PRKD1: variants seen among roughly 807,000 people sequenced by gnomAD.
PRKD1 encodes serine/threonine-protein kinase D1.
Under a neutral mutation model 95.9 loss-of-function variants are expected in PRKD1, and 63 were observed. The observed-to-expected ratio is 0.66, with a 90% CI of 0.54 to 0.81. PRKD1 has a LOEUF of 0.81. Among genes scored for constraint, PRKD1 ranks in the 30% least tolerant of loss-of-function variants. PRKD1 has a pLI of 0.00. For synonymous variants in PRKD1, 425 were observed against 423.1 expected (o/e 1.00, Z -0.05); for missense variants, 1,048 against 1,165.3 (o/e 0.90, Z 1.47).
intron 1 of PRKD1, among the ~76,000 whole-genome samples, chr14:29,797,984 C>T (rs1889885582): frequency 6.6e-6 from 1 of 152,180 alleles, no homozygotes; most frequent in Admixed American, 6.5e-5. Context: ...AATTACAGAA[C>T]TCAATGCCAT....
chr14:29,688,003 G>A (rs1883984177), intron 2 of PRKD1, among the ~76,000 whole-genome samples: 1 of 152,164 alleles, frequency 6.6e-6, no homozygotes, highest in South Asian at 2.1e-4. Flanking sequence ...TTATCACAGA[G>A]TCCAGGAAGT....
At chr14:29,631,270 T>C (rs1001510204) in intron 9 of PRKD1, among the ~76,000 whole-genome samples, 1 of 152,180 alleles carries the variant, frequency 6.6e-6, no homozygotes, top group African/African-American at 2.4e-5. Flanking sequence ...AGAATCAGTA[T>C]GGTTAGGAAA....
In PRKD1 at chr14:29,577,285, C is replaced by A; in HGVS notation, c.2692G>T (p.Glu898Ter). The stretch of plus-strand genomic sequence containing the variant: ...CCGAGGGCTTTCATTTCTGTTTCTT[C>A]AGTCTCAGGAGTGTCACTGTGGCTA... ...SASHSDTPET[E>*]ETEMKALGER... Residue 898 changes from glutamate (E) to a stop codon, truncating the protein, a stop_gained, in exon 18 of 18, where the codon GAA (glutamate) becomes TAA (stop). Transcript: ENST00000331968. LOFTEE classifies it high-confidence loss of function. 3 of 1,613,824 alleles carry A rather than the reference C, an allele frequency of 1.9e-6. No individual in the cohort carries two copies. The highest frequency in any genetic ancestry group is 2.5e-6 in the Non-Finnish European group (3 of 1,179,840).
chr14:29,896,175 T>G (rs1392809277), intron 1 of PRKD1, among the ~76,000 whole-genome samples: 1 of 152,202 alleles, frequency 6.6e-6, no homozygotes, highest in African/African-American at 2.4e-5. Flanking sequence ...TAAGGTAATA[T>G]TTAAACAATT....
intron 1 of PRKD1, among the ~76,000 whole-genome samples, chr14:29,862,138 T>C (rs912094721): frequency 6.6e-6 from 1 of 152,210 alleles, no homozygotes; most frequent in Non-Finnish European, 1.5e-5. Flanking sequence ...GAGGTTTATC[T>C]TTCTGTGCCT....
chr14:29,636,410 A>G lies in PRKD1; in HGVS notation c.1070T>C (p.Met357Thr). 6.2e-7 allele frequency: 1 copy of G among 1,614,062 alleles called. No individual in the cohort carries two copies. Among genetic ancestry groups the G allele is most frequent in the East Asian group, 2.2e-5 (1 of 44,858 alleles). Residue 357 changes from methionine (M) to threonine (T), a missense_variant, in exon 7 of 18, where the codon ATG becomes ACG. Transcript: ENST00000331968. ...DNDSERNSGL[M>T]DDMEEAMVQD... is the part of the protein sequence containing the mutation. ...GACCATTGCTTCTTCCATATCATCC[A>G]TGAGCCCACTGTTCCTTTCACTATC... is the stretch of plus-strand genomic sequence containing the variant.
At chr14:29,878,492 A>G (rs995931375) in intron 1 of PRKD1, among the ~76,000 whole-genome samples, 1 of 152,214 alleles carries the variant, frequency 6.6e-6, no homozygotes, top group Admixed American at 6.5e-5. Context: ...CCACAGCCAA[A>G]AGGGAGAAAC....
At chr14:29,633,846 G>T (rs1594380692) in intron 8 of PRKD1, among the ~76,000 whole-genome samples, 1 of 152,170 alleles carries the variant, frequency 6.6e-6, no homozygotes, top group East Asian at 1.9e-4. Context: ...CTATAGGTAA[G>T]AGATGAGAAA....
intron 4 of PRKD1, chr14:29,656,553 A>C: frequency 1.3e-6 from 2 of 1,498,884 alleles, no homozygotes; most frequent in Non-Finnish European, 1.8e-6. Flanking sequence ...GAATCAAAGG[A>C]GAAAAAGACA....
At chr14:29,818,191 A>G (rs1890768502) in intron 1 of PRKD1, among the ~76,000 whole-genome samples, 1 of 152,224 alleles carries the variant, frequency 6.6e-6, no homozygotes, top group African/African-American at 2.4e-5. Context: ...ATGCACAGTA[A>G]GGTCTGAATG....
intron 15 of PRKD1, among the ~76,000 whole-genome samples, chr14:29,598,310 A>G (rs1309761240): frequency 4.6e-5 from 7 of 151,050 alleles, no homozygotes; most frequent in Non-Finnish European, 8.9e-5. Flanking sequence ...AATAAAATAA[A>G]ATAAAATAAA....
rs1008177764 is a variant in PRKD1, at chr14:29,827,488, C to A, written c.264+99761G>T. On this transcript the variant is annotated intron_variant, in intron 1 of 17. Transcript: ENST00000331968. ...AGGGCCATGCTTCCTTACGGTCAGC[C>A]TTCTCTTCCCATTCATCTTGCTCTG... is the stretch of plus-strand genomic sequence containing the variant. Among the ~76,000 whole-genome samples the A allele has an allele frequency of 2.0e-5, 3 of 152,090 alleles. No homozygotes were observed. In the East Asian group the frequency reaches 5.8e-4, roughly 29 times the overall value.
chr14:29,700,967 C>T (rs544432170), intron 2 of PRKD1, among the ~76,000 whole-genome samples: 6 of 46,328 alleles, frequency 1.3e-4, no homozygotes, highest in East Asian at 7.8e-4. Context: ...TGTGTGTACG[C>T]GTGCGCATGC....
At chr14:29,893,710 G>A (rs1047205854) in intron 1 of PRKD1, among the ~76,000 whole-genome samples, 4 of 152,046 alleles carry the variant, frequency 2.6e-5, no homozygotes, top group African/African-American at 4.8e-5. Flanking sequence ...TATGAATGTC[G>A]GTTTCTAGGT....
chr14:29,674,222 G>A (rs1440874454), intron 2 of PRKD1, among the ~76,000 whole-genome samples: 1 of 151,940 alleles, frequency 6.6e-6, no homozygotes, highest in Non-Finnish European at 1.5e-5. Context: ...CCAATTCAGG[G>A]CCCTTAAAAA....
At chr14:29,710,979 G>T (rs1423484194) in intron 2 of PRKD1, among the ~76,000 whole-genome samples, 1 of 152,060 alleles carries the variant, frequency 6.6e-6, no homozygotes, top group Non-Finnish European at 1.5e-5. Flanking sequence ...ACCAAGAATA[G>T]ATTTCAGTCA....
intron 1 of PRKD1, among the ~76,000 whole-genome samples, chr14:29,756,950 G>A (rs1887729619): frequency 6.6e-6 from 1 of 152,154 alleles, no homozygotes; most frequent in Non-Finnish European, 1.5e-5. Context: ...CAGATTATTT[G>A]TCTTTGGAGT....
chr14:29,839,884 G>A (rs1352282535), intron 1 of PRKD1, among the ~76,000 whole-genome samples: 2 of 152,162 alleles, frequency 1.3e-5, no homozygotes, highest in East Asian at 3.9e-4. Flanking sequence ...GCTGCACACA[G>A]CATGGGCTCC....
chr14:29,646,669 C>T (rs1881145309), intron 4 of PRKD1, among the ~76,000 whole-genome samples: 1 of 151,614 alleles, frequency 6.6e-6, no homozygotes, highest in Admixed American at 6.6e-5. Context: ...GGGATGATGA[C>T]CTAACCTGCT....
Sources: gnomAD v4.1 joint callset for allele counts (sites outside exome capture counted in the v4.1 genomes callset) on GRCh38, gnomAD v4.1.1 for gene constraint, MANE v1.5 for transcripts, NCBI Gene and HGNC (gene_info 2026-07-23, HGNC 2026-07-21) for gene names.